The following PATJ variants were observed in gnomAD, a reference collection of about 807,000 sequenced individuals.
PATJ encodes the protein inaD-like protein.
PATJ carries 190 observed loss-of-function variants against 224.9 expected under a neutral mutation model. The observed-to-expected ratio is 0.84, with a 90% CI of 0.75 to 0.95. The LOEUF is 0.95. PATJ is among the 40% of genes least tolerant of loss of function. PATJ has a pLI of 0.00. For missense variants in PATJ, 2,121 were observed against 2,270.3 expected, an observed-to-expected ratio of 0.93 and a Z score of 1.34; for synonymous variants, 769 against 820.3, an observed-to-expected ratio of 0.94 and a Z score of 1.07.
At chr1:61,751,244 C>T (rs997649042) in intron 1 of PATJ, among the ~76,000 whole-genome samples, 6 of 151,794 alleles carry the variant, frequency 4.0e-5, no homozygotes, top group Non-Finnish European at 8.8e-5. Flanking sequence ...TCAAGTGATC[C>T]GTCTCCTTGG....
intron 31 of PATJ, among the ~76,000 whole-genome samples, chr1:62,071,735 C>T (rs1302651676): frequency 1.3e-5 from 2 of 152,186 alleles, no homozygotes; most frequent in Non-Finnish European, 2.9e-5. Context: ...ACCGCCCCCA[C>T]CTTGGCCTCC....
At chr1:62,050,483 C>T (rs1653403430) in intron 30 of PATJ, among the ~76,000 whole-genome samples, 1 of 152,212 alleles carries the variant, frequency 6.6e-6, no homozygotes, top group South Asian at 2.1e-4. Context: ...AGGCTGGTTC[C>T]CTCATTGTCA....
intron 14 of PATJ, among the ~76,000 whole-genome samples, chr1:61,817,399 C>G (rs1485387990): frequency 6.6e-6 from 1 of 152,128 alleles, no homozygotes; most frequent in Non-Finnish European, 1.5e-5. Context: ...AGCGGTGGCT[C>G]ACGCCTGTAA....
chr1:61,943,653 TG>T (rs1431037342), intron 27 of PATJ, among the ~76,000 whole-genome samples: 1 of 152,070 alleles, frequency 6.6e-6, no homozygotes, highest in Non-Finnish European at 1.5e-5. Flanking sequence ...ACTCCACCTC[TG>T]GGGGCAGGGC....
intron 33 of PATJ, among the ~76,000 whole-genome samples, chr1:62,088,005 CCTCAGCCTCCTGA>C (rs77355186): frequency 0.14 from 21,406 of 151,702 alleles, 1,937 homozygotes; most frequent in South Asian, 0.32. Flanking sequence ...GATTCTCCTG[CCTCAGCCTCCTGA>C]GTAGCTGGGA....
chr1:61,959,065 G>A (rs1304821667), intron 27 of PATJ, among the ~76,000 whole-genome samples: 1 of 152,076 alleles, frequency 6.6e-6, no homozygotes, highest in Admixed American at 6.6e-5. Flanking sequence ...GGGATTGAAA[G>A]GAGGAGGAGG....
At chr1:62,043,685 A>G (rs1372453785) in intron 30 of PATJ, among the ~76,000 whole-genome samples, 1 of 151,686 alleles carries the variant, frequency 6.6e-6, no homozygotes, top group Non-Finnish European at 1.5e-5. Flanking sequence ...GTATATATTT[A>G]TCATATACAA....
Position 61,827,558 on chromosome 1 carries a change from C to T in PATJ, c.1955C>T (p.Thr652Ile), listed in dbSNP as rs1170149752. 6.2e-7 allele frequency: 1 copy of T among 1,613,796 alleles called. No homozygotes were observed. The highest frequency in any genetic ancestry group is 1.3e-5 in the African/African-American group (1 of 74,896). ...DEASVDEPRR[T>I]ETSLPETEVD... The stretch of plus-strand genomic sequence containing the variant: ...GCTTCTGTAGATGAACCAAGGCGCA[C>T]TGAAACCTCTCTTCCTGAGACAGAG... Residue 652 changes from threonine (T) to isoleucine (I), a missense_variant, in exon 16 of 44, where the codon ACT becomes ATT. By Grantham distance (89) the Thr-to-Ile change is moderately conservative. Coordinates refer to ENST00000642238, the MANE Select transcript of PATJ (RefSeq NM_001350145.3).
intron 31 of PATJ, among the ~76,000 whole-genome samples, chr1:62,069,740 T>A (rs565156544): frequency 6.6e-6 from 1 of 152,326 alleles, no homozygotes; most frequent in South Asian, 2.1e-4. Flanking sequence ...CTTTAACATC[T>A]GTCTCACTAG....
chr1:61,994,211 G>T (rs769830698), intron 28 of PATJ, among the ~76,000 whole-genome samples: 1 of 152,176 alleles, frequency 6.6e-6, no homozygotes, highest in Non-Finnish European at 1.5e-5. Flanking sequence ...CATATAGCAG[G>T]TGCTGTATGA....
At chr1:61,936,697 A>T (rs1319995244) in intron 27 of PATJ, among the ~76,000 whole-genome samples, 1 of 151,800 alleles carries the variant, frequency 6.6e-6, no homozygotes. Context: ...TCAGCCACCC[A>T]AGTAGCTGGG....
chr1:62,135,515 CAAAAAAAAA>C (rs4019805), intron 41 of PATJ, among the ~76,000 whole-genome samples: 3 of 83,768 alleles, frequency 3.6e-5, no homozygotes, highest in African/African-American at 4.6e-5. Context: ...GACTCCGTCT[CAAAAAAAAA>C]AAAAAAAAAA....
At chr1:61,934,505 C>T (rs899686269) in intron 27 of PATJ, among the ~76,000 whole-genome samples, 1 of 152,144 alleles carries the variant, frequency 6.6e-6, no homozygotes, top group Non-Finnish European at 1.5e-5. Flanking sequence ...ACATTCTCCC[C>T]AACTCTTTGA....
At chr1:61,830,078 C>A (rs984006315) in intron 16 of PATJ, among the ~76,000 whole-genome samples, 1 of 152,160 alleles carries the variant, frequency 6.6e-6, no homozygotes, top group Non-Finnish European at 1.5e-5. Flanking sequence ...AGTTTAAGAT[C>A]TGGACCAATC....
At chr1:61,757,013 T>C (rs919078917) in intron 1 of PATJ, among the ~76,000 whole-genome samples, 2 of 152,104 alleles carry the variant, frequency 1.3e-5, no homozygotes, top group Admixed American at 1.3e-4. Context: ...TGTATATGCC[T>C]TATAGTATAA....
intron 17 of PATJ, among the ~76,000 whole-genome samples, chr1:61,850,070 C>A: frequency 6.6e-6 from 1 of 152,242 alleles, no homozygotes; most frequent in African/African-American, 2.4e-5. Context: ...CGTGTCTTTT[C>A]ACTGAGTTTG....
chr1:61,914,776 G>A (rs1343718072), intron 26 of PATJ, 112 bp downstream of exon 26: 11 of 551,160 alleles, frequency 2.0e-5, no homozygotes, highest in Non-Finnish European at 3.3e-5. Flanking sequence ...AGTGTTGTAG[G>A]AGCACTATAT....
At chr1:61,750,747 C>T (rs12091783) in intron 1 of PATJ, among the ~76,000 whole-genome samples, 2,355 of 151,396 alleles carry the variant, frequency 0.016, 54 homozygotes, top group African/African-American at 0.054. Flanking sequence ...ACCCATTTTT[C>T]GGCGCTTGTA....
chr1:62,125,260 A>G (rs1012244781), intron 39 of PATJ, among the ~76,000 whole-genome samples: 3 of 108,744 alleles, frequency 2.8e-5, no homozygotes, highest in African/African-American at 1.1e-4. Context: ...AAAACAAAAA[A>G]AAACAAAAAA....
Sources: gnomAD v4.1 joint callset for allele counts (sites outside exome capture counted in the v4.1 genomes callset) on GRCh38, gnomAD v4.1.1 for gene constraint, MANE v1.5 for transcripts, NCBI Gene and HGNC (gene_info 2026-07-23, HGNC 2026-07-21) for gene names.